DNER: variants seen among roughly 807,000 people sequenced by gnomAD.
DNER encodes delta/notch like EGF repeat containing, also known as delta and Notch-like epidermal growth factor-related receptor.
DNER carries 33 observed loss-of-function variants against 78.2 expected under a neutral mutation model. The ratio of observed to expected loss-of-function variants is 0.42; its 90% confidence interval spans 0.32 to 0.56. The LOEUF (loss-of-function observed/expected upper bound fraction) is 0.56, where lower values mean the gene tolerates loss of function less well. DNER is among the 20% of genes least tolerant of loss of function. DNER has a pLI of 0.11. For synonymous variants in DNER, 417 were observed against 384.8 expected, an observed-to-expected ratio of 1.08 and a Z score of -0.98; for missense variants, 918 against 975.3, an observed-to-expected ratio of 0.94 and a Z score of 0.78.
chr2:229,615,151 C>T (rs2154215311), intron 1 of DNER, among the ~76,000 whole-genome samples: 1 of 152,254 alleles, frequency 6.6e-6, no homozygotes, highest in South Asian at 2.1e-4. Flanking sequence ...GTGGCTCATA[C>T]CTGTAATCCC....
chr2:229,435,431 T>G (rs757440789), intron 8 of DNER, among the ~76,000 whole-genome samples: 3 of 152,216 alleles, frequency 2.0e-5, no homozygotes, highest in Non-Finnish European at 4.4e-5. Context: ...AATAAGTGGT[T>G]TTCTTAAGCC....
intron 5 of DNER, among the ~76,000 whole-genome samples, chr2:229,529,137 C>T (rs1393183687): frequency 6.6e-6 from 1 of 152,052 alleles, no homozygotes; most frequent in African/African-American, 2.4e-5. Context: ...TGAGAAAGCC[C>T]TTCAGGCAAA....
chr2:229,450,671 A>G (rs368993434), intron 7 of DNER, among the ~76,000 whole-genome samples: 6 of 152,296 alleles, frequency 3.9e-5, no homozygotes, highest in South Asian at 2.1e-4. Context: ...ACAGAAAAAG[A>G]CACCAGAGAT....
rs2106336059 is a variant in DNER at position 229,388,391 on chromosome 2, C to T, written c.1729G>A (p.Glu577Lys). ...CICAPGFTGE[E>K]CDIDINECDS... ...CATTCATTTATGTCAATGTCGCACT[C>T]TTCACCTAGGGAGATAAGAAAAAGC... is the stretch of plus-strand genomic sequence containing the variant. Residue 577 changes from glutamate (E) to lysine (K), a missense_variant, in exon 11 of 13, where the codon GAG becomes AAG. Transcript: ENST00000341772. 3 of 1,608,560 alleles carry T rather than the reference C, an allele frequency of 1.9e-6. No individual in the cohort carries two copies. The highest frequency in any genetic ancestry group is 8.5e-7 in the Non-Finnish European group (1 of 1,177,406).
chr2:229,445,423 T>A (rs907162426), intron 8 of DNER, among the ~76,000 whole-genome samples: 32 of 152,208 alleles, frequency 2.1e-4, no homozygotes, highest in African/African-American at 7.0e-4. Context: ...GATCCAAAAA[T>A]GTTACTGCGA....
chr2:229,702,576 T>G (rs1189120394), intron 1 of DNER, among the ~76,000 whole-genome samples: 1 of 151,902 alleles, frequency 6.6e-6, no homozygotes, highest in East Asian at 1.9e-4. Context: ...AAAAAGAGTA[T>G]GTGAGTGTCC....
rs73095395 is a variant in DNER at position 229,687,239 on chromosome 2, T to G, written c.276+26909A>C. On this transcript the variant is annotated intron_variant, in intron 1 of 12. Coordinates refer to ENST00000341772, the MANE Select transcript of DNER (RefSeq NM_139072.4). ...TACAAATAATGTTTTGATGAATATCTCTGTTTATACAAATTTCCAACTTCT... is the reference window on the plus strand; with the variant it reads ...TACAAATAATGTTTTGATGAATATCGCTGTTTATACAAATTTCCAACTTCT... Among the ~76,000 whole-genome samples the G allele has an allele frequency of 4.1e-3, 627 of 151,960 alleles. 5 individuals are homozygous for G. Among genetic ancestry groups the G allele is most frequent in the African/African-American group, 0.015 (609 of 41,466 alleles).
chr2:229,417,354 A>C (rs1693675253), intron 9 of DNER, among the ~76,000 whole-genome samples: 1 of 152,248 alleles, frequency 6.6e-6, no homozygotes, highest in African/African-American at 2.4e-5. Flanking sequence ...CCACAAACGC[A>C]TTCCAAAATC....
intron 6 of DNER, among the ~76,000 whole-genome samples, chr2:229,480,212 C>A (rs1275364439): frequency 1.3e-5 from 2 of 152,196 alleles, no homozygotes; most frequent in African/African-American, 4.8e-5. Flanking sequence ...GTGTCCATCA[C>A]CCAGCTCCAA....
chr2:229,670,873 A>G (rs1368962724), intron 1 of DNER, among the ~76,000 whole-genome samples: 1 of 152,180 alleles, frequency 6.6e-6, no homozygotes, highest in Non-Finnish European at 1.5e-5. Context: ...AATAGCCACA[A>G]TGGGCTAGCA....
intron 1 of DNER, among the ~76,000 whole-genome samples, chr2:229,605,667 G>A (rs1293659421): frequency 6.6e-6 from 1 of 151,860 alleles, no homozygotes; most frequent in East Asian, 1.9e-4. Flanking sequence ...AATTGTTAGT[G>A]TATAAAGATT....
intron 1 of DNER, among the ~76,000 whole-genome samples, chr2:229,673,037 A>G (rs1029964717): frequency 6.6e-6 from 1 of 152,108 alleles, no homozygotes; most frequent in African/African-American, 2.4e-5. Flanking sequence ...ACTGTTCCAC[A>G]TAACACAGGA....
chr2:229,639,811 A>T (rs1253487686), intron 1 of DNER, among the ~76,000 whole-genome samples: 1 of 152,202 alleles, frequency 6.6e-6, no homozygotes, highest in Non-Finnish European at 1.5e-5. Flanking sequence ...GCCAGGATGC[A>T]GCGAAGAACC....
intron 1 of DNER, among the ~76,000 whole-genome samples, chr2:229,629,553 C>T (rs1698399935): frequency 2.0e-5 from 3 of 152,186 alleles, no homozygotes; most frequent in African/African-American, 4.8e-5. Flanking sequence ...CCTTAAAAGA[C>T]CCTTGAGCAA....
intron 4 of DNER, among the ~76,000 whole-genome samples, chr2:229,584,917 AG>A (rs1181809192): frequency 6.6e-6 from 1 of 151,652 alleles, no homozygotes; most frequent in African/African-American, 2.4e-5. Context: ...AAAAAGAAGA[AG>A]AAAAAGAAAA....
chr2:229,366,571 A>G (rs1446648992), intron 12 of DNER, among the ~76,000 whole-genome samples: 1 of 152,222 alleles, frequency 6.6e-6, no homozygotes, highest in African/African-American at 2.4e-5. Flanking sequence ...AAAATTCAAC[A>G]AAAAAAGTTT....
At chr2:229,392,319 A>G (rs1693033813) in intron 10 of DNER, among the ~76,000 whole-genome samples, 1 of 151,682 alleles carries the variant, frequency 6.6e-6, no homozygotes, top group Non-Finnish European at 1.5e-5. Context: ...CAGGAAGTCC[A>G]TGACTGTGAT....
At chr2:229,463,772 G>A (rs1694748740) in intron 7 of DNER, among the ~76,000 whole-genome samples, 1 of 152,226 alleles carries the variant, frequency 6.6e-6, no homozygotes, top group African/African-American at 2.4e-5. Flanking sequence ...GTATTCTGCT[G>A]CGTAGCACGG....
At chr2:229,653,882 C>A (rs1698864398) in intron 1 of DNER, among the ~76,000 whole-genome samples, 1 of 152,094 alleles carries the variant, frequency 6.6e-6, no homozygotes, top group South Asian at 2.1e-4. Context: ...GGTTGAAATT[C>A]CTTGGTGTAA....
Sources: allele counts gnomAD v4.1 joint callset (sites outside exome capture counted in the v4.1 genomes callset), GRCh38; gene constraint gnomAD v4.1.1; transcripts MANE v1.5; gene names NCBI Gene and HGNC (gene_info 2026-07-23, HGNC 2026-07-21).